NCOR1: variants seen among roughly 807,000 people sequenced by gnomAD.
NCOR1 encodes the protein protein phosphatase 1, regulatory subunit 109.
Under a neutral mutation model 288.1 loss-of-function variants are expected in NCOR1, and 63 were observed. The ratio of observed to expected loss-of-function variants is 0.22; its 90% confidence interval spans 0.18 to 0.27. NCOR1 has a LOEUF of 0.27. NCOR1 is among the 10% of genes least tolerant of loss of function. The pLI is 1.00. For missense variants in NCOR1, 2,397 were observed against 3,019.2 expected, an observed-to-expected ratio of 0.79 and a Z score of 4.83; for synonymous variants, 1,007 against 1,065.9, an observed-to-expected ratio of 0.94 and a Z score of 1.08.
intron 4 of NCOR1, among the ~76,000 whole-genome samples, chr17:16,167,991 T>C (rs1463103508): frequency 6.6e-6 from 1 of 150,426 alleles, no homozygotes; most frequent in Non-Finnish European, 1.5e-5. Flanking sequence ...AACAACTCAA[T>C]GTAAAATAAA....
chr17:16,097,183 G>T (rs925074898), intron 21 of NCOR1, among the ~76,000 whole-genome samples: 1 of 152,186 alleles, frequency 6.6e-6, no homozygotes, highest in Non-Finnish European at 1.5e-5. Flanking sequence ...CTCCTGGCTG[G>T]GGCCTCTAGA....
intron 3 of NCOR1, among the ~76,000 whole-genome samples, chr17:16,173,133 G>T (rs2083431798): frequency 6.6e-6 from 1 of 151,972 alleles, no homozygotes; most frequent in African/African-American, 2.4e-5. Flanking sequence ...TATTGCCTAG[G>T]CTGGTCTCGA....
rs1173773474 is a variant in NCOR1 at position 16,151,931 on chromosome 17, A to T, written c.842+15T>A. On this transcript the variant is annotated intron_variant, in intron 8 of 45. Transcript: ENST00000268712. ...GGTCTTTAATTGAAGAACTCCAAAG[A>T]TGATCAATACTTACGTCTTGATGTT... 1.3e-6 allele frequency: 2 copies of T among 1,582,096 alleles called. No homozygotes were observed. Among genetic ancestry groups the T allele is most frequent in the Admixed American group, 1.8e-5 (1 of 56,104 alleles).
At chr17:16,047,120 A>G (rs1345236236) in intron 41 of NCOR1, 27 bp from the exon 42 acceptor site, 3 of 1,592,896 alleles carry the variant, frequency 1.9e-6, no homozygotes, top group Non-Finnish European at 2.6e-6. Flanking sequence ...TAAGTATATT[A>G]CAACCACGTA....
chr17:16,115,922 G>T (rs895086635), intron 18 of NCOR1, among the ~76,000 whole-genome samples: 1 of 152,108 alleles, frequency 6.6e-6, no homozygotes, highest in African/African-American at 2.4e-5. Context: ...CCAATTTATT[G>T]TATTAGTCCG....
At chr17:16,141,197 T>A (rs1404493326) in intron 11 of NCOR1, among the ~76,000 whole-genome samples, 1 of 152,272 alleles carries the variant, frequency 6.6e-6, no homozygotes, top group East Asian at 1.9e-4. Flanking sequence ...TAGAAATGGC[T>A]AAGATCCTGA....
intron 1 of NCOR1, among the ~76,000 whole-genome samples, chr17:16,209,808 G>A (rs367794191): frequency 7.3e-5 from 11 of 151,326 alleles, no homozygotes; most frequent in Admixed American, 2.6e-4. Flanking sequence ...AAAAATTAGC[G>A]GGGCATGGTG....
At chr17:16,072,646 G>A (rs1050721553) in intron 28 of NCOR1, among the ~76,000 whole-genome samples, 1 of 152,164 alleles carries the variant, frequency 6.6e-6, no homozygotes, top group African/African-American at 2.4e-5. Flanking sequence ...AAACGAAAGA[G>A]TTGTAAATAA....
At chr17:16,132,211 C>T (rs1196598724) in intron 14 of NCOR1, among the ~76,000 whole-genome samples, 3 of 152,126 alleles carry the variant, frequency 2.0e-5, no homozygotes, top group African/African-American at 4.8e-5. Flanking sequence ...GCATGAATTC[C>T]TGTGGAAAGT....
chr17:16,153,113 A>G (rs1273401037), intron 7 of NCOR1, among the ~76,000 whole-genome samples: 1 of 152,216 alleles, frequency 6.6e-6, no homozygotes, highest in Non-Finnish European at 1.5e-5. Context: ...TGGAAGGATT[A>G]AATAGCTGCT....
chr17:16,155,864 G>A (rs1294699799), intron 6 of NCOR1, among the ~76,000 whole-genome samples: 4 of 152,180 alleles, frequency 2.6e-5, no homozygotes, highest in Non-Finnish European at 5.9e-5. Context: ...GCAGCATACT[G>A]GGGCAGAAAA....
At chr17:16,040,406 T>C (rs1423034560) in intron 43 of NCOR1, 35 bp downstream of exon 43, 2 of 1,601,300 alleles carry the variant, frequency 1.2e-6, no homozygotes, top group Admixed American at 3.3e-5. Context: ...GCTGTGCCAA[T>C]TTTGTATTGG....
At chr17:16,109,184 C>G (rs986668311) in intron 18 of NCOR1, among the ~76,000 whole-genome samples, 11 of 151,884 alleles carry the variant, frequency 7.2e-5, no homozygotes, top group African/African-American at 2.2e-4. Context: ...TATAAAAAGC[C>G]AAAAATCACA....
Position 16,061,663 on chromosome 17 carries a change from C to T in NCOR1, c.5619G>A (p.Val1873=), listed in dbSNP as rs2152604177. The T allele has an allele frequency of 6.2e-7, 1 of 1,614,238 alleles. No homozygotes were observed. The highest frequency in any genetic ancestry group is 1.1e-5 in the South Asian group (1 of 91,086). ...ATAAACACTGAACAGATCTCTTCTC[C>T]ACCTCCAGGGTTTTCTGCTCTAGCT... ...QQQLEQKTLE[V]EKRSVQCLYT... Residue 1873 remains valine (V), a synonymous_variant, in exon 37 of 46, where the codon GTG becomes GTA. Transcript: ENST00000268712.
intron 15 of NCOR1, among the ~76,000 whole-genome samples, chr17:16,125,807 G>A (rs2073941681): frequency 6.6e-6 from 1 of 151,394 alleles, no homozygotes; most frequent in South Asian, 2.1e-4. Flanking sequence ...ACTATCACAT[G>A]TTCTCACTTA....
At position 16,029,804 on chromosome 17, in the gene NCOR1, C is replaced by T. The variant is rs11650682; in HGVS notation, c.*2492G>A. On this transcript the variant is annotated 3_prime_UTR_variant, in exon 46 of 46. Coordinates refer to ENST00000268712, the MANE Select transcript of NCOR1 (RefSeq NM_006311.4). ...GATTTTAACTCTCATTCTGAGATTT[C>T]TTCTCCAGGTGATGGTAAATAAAGT... 1.3e-5 allele frequency: 2 copies of T among 152,492 alleles called. No homozygotes were observed. Among genetic ancestry groups the T allele is most frequent in the Non-Finnish European group, 2.9e-5 (2 of 68,288 alleles). 9.4% of individuals were successfully genotyped at this position (152,492 alleles called of 1,614,324 possible).
intron 18 of NCOR1, among the ~76,000 whole-genome samples, chr17:16,114,143 C>CAAAAA (rs71353770): frequency 5.6e-5 from 1 of 17,708 alleles, no homozygotes; most frequent in African/African-American, 1.9e-4. Flanking sequence ...TGGCGGCAGG[C>CAAAAA]AAAAAAAAAA....
rs1471287483 is a variant in NCOR1 at position 16,065,017 on chromosome 17, T to C, written c.4954A>G (p.Ile1652Val). The C allele has an allele frequency of 6.2e-7, 1 of 1,613,072 alleles. No individual in the cohort carries two copies. The highest frequency in any genetic ancestry group is 8.5e-7 in the Non-Finnish European group (1 of 1,179,410). The change falls in exon 34 of 46, where the codon ATC becomes GTC. Residue 1652 changes from isoleucine (I) to valine (V), a missense_variant and splice_region_variant. By Grantham distance (29) the Ile-to-Val change is conservative (BLOSUM62 3). Transcript: ENST00000268712. ...LGLPYPATRG[I>V]IDLTNMPPTI... ...GGAGGCATATTGGTCAGGTCAATGA[T>C]TCCTATCCAAAAGACAATACAATTT...
chr17:16,206,544 G>A (rs1481790346), intron 1 of NCOR1, among the ~76,000 whole-genome samples: 1 of 151,964 alleles, frequency 6.6e-6, no homozygotes, highest in Non-Finnish European at 1.5e-5. Context: ...TGCCACCATG[G>A]CTGGCTAATT....
Sources: allele counts gnomAD v4.1 joint callset (sites outside exome capture counted in the v4.1 genomes callset), GRCh38; gene constraint gnomAD v4.1.1; transcripts MANE v1.5; gene names NCBI Gene and HGNC (gene_info 2026-07-23, HGNC 2026-07-21).